The following CLVS2 variants were observed in gnomAD, a reference collection of about 807,000 sequenced individuals.
The protein encoded by CLVS2 is clavesin 2.
Under a neutral mutation model 29.0 loss-of-function variants are expected in CLVS2, and 19 were observed. That is an observed-to-expected ratio of 0.66 (90% CI 0.46 to 0.96). The LOEUF (loss-of-function observed/expected upper bound fraction) is 0.96, where lower values mean the gene tolerates loss of function less well. Ranked by LOEUF, CLVS2 falls within the 40% of genes least tolerant of loss-of-function variation. The probability of loss-of-function intolerance (pLI) is 0.00; values close to 1 mark genes in which losing one functional copy is unlikely to be tolerated. For synonymous variants in CLVS2, 161 were observed against 151.3 expected (o/e 1.06, Z -0.47); for missense variants, 294 against 404.1 (o/e 0.73, Z 2.34).
At chr6:123,062,126 T>C (rs1295279164) in intron 5 of CLVS2, among the ~76,000 whole-genome samples, 3 of 152,132 alleles carry the variant, frequency 2.0e-5, no homozygotes, top group African/African-American at 7.2e-5. Flanking sequence ...TGCATATCAG[T>C]TGTCAGGTTA....
intron 3 of CLVS2, among the ~76,000 whole-genome samples, 185 bp downstream of exon 3, chr6:123,011,344 G>C (rs1363471964): frequency 6.6e-6 from 1 of 152,030 alleles, no homozygotes; most frequent in African/African-American, 2.4e-5. Flanking sequence ...AAGGAAGAGA[G>C]TTTGTGACAC....
chr6:123,014,368 A>T lies in CLVS2; in HGVS notation c.564+3209A>T, dbSNP rs538237816. On this transcript the variant is annotated intron_variant, in intron 3 of 5. Transcript: ENST00000275162. The stretch of plus-strand genomic sequence containing the variant: ...TTCTTAAGCAAGAGTATTTAAAGTG[A>T]CCTGGCTAGCACCATATACCTTGTA... 1.7e-3 allele frequency among the ~76,000 whole-genome samples: 254 copies of T among 152,088 alleles called. 1 individual carries two copies. The highest frequency in any genetic ancestry group is 2.6e-3 in the Non-Finnish European group (180 of 68,016).
intron 4 of CLVS2, among the ~76,000 whole-genome samples, chr6:123,051,723 G>A (rs1357407139): frequency 6.6e-6 from 1 of 152,006 alleles, no homozygotes; most frequent in Non-Finnish European, 1.5e-5. Context: ...CTCTTTAATA[G>A]CACAGTGTAG....
intron 5 of CLVS2, among the ~76,000 whole-genome samples, chr6:123,057,415 T>TGATTCACTG (rs1772709967): frequency 1.4e-5 from 2 of 140,528 alleles, no homozygotes; most frequent in Non-Finnish European, 3.0e-5. Flanking sequence ...GGCGCGATCA[T>TGATTCACTG]GATTCACTGC....
intron 3 of CLVS2, among the ~76,000 whole-genome samples, chr6:123,025,098 G>A (rs908508808): frequency 1.3e-5 from 2 of 152,048 alleles, no homozygotes; most frequent in South Asian, 2.1e-4. Flanking sequence ...TACTTCATCC[G>A]TTGTTTTCAA....
chr6:123,031,827 T>C (rs563103151), intron 3 of CLVS2, among the ~76,000 whole-genome samples: 2 of 152,102 alleles, frequency 1.3e-5, no homozygotes, highest in South Asian at 4.2e-4. Context: ...AGCCTCATTA[T>C]GAGGGACTTG....
chr6:123,034,476 A>T (rs1775123014), intron 3 of CLVS2, among the ~76,000 whole-genome samples: 1 of 152,190 alleles, frequency 6.6e-6, no homozygotes, highest in South Asian at 2.1e-4. Flanking sequence ...AAAAGGCAGC[A>T]TACTGTATCA....
intron 4 of CLVS2, among the ~76,000 whole-genome samples, chr6:123,053,970 G>T (rs1772652085): frequency 6.6e-6 from 1 of 152,162 alleles, no homozygotes; most frequent in Non-Finnish European, 1.5e-5. Flanking sequence ...TGGTGGGTGG[G>T]TTGATGTCAT....
chr6:123,035,467 TG>T (rs1275213819), intron 3 of CLVS2, among the ~76,000 whole-genome samples: 1 of 152,164 alleles, frequency 6.6e-6, no homozygotes, highest in Non-Finnish European at 1.5e-5. Flanking sequence ...ATGAAGATGT[TG>T]GGTAAAAAGT....
At position 123,065,616 on chromosome 6, in the gene CLVS2, TTC is replaced by T. The variant is rs778119606; in HGVS notation, c.*1857_*1858del. 2.0e-5 allele frequency: 3 copies of T among 151,922 alleles called. No individual in the cohort carries two copies. Among genetic ancestry groups the T allele is most frequent in the Non-Finnish European group, 4.4e-5 (3 of 67,848 alleles). The allele number at this position is 151,922 out of a possible 1,614,324, so 9.4% of individuals were successfully genotyped here. On this transcript the variant is annotated 3_prime_UTR_variant, in exon 6 of 6. Transcript: ENST00000275162. The stretch of plus-strand genomic sequence containing the variant: ...CACTGGGGACAACATGTCTCAGCAG[TTC>T]TTACCTTTATAAGAATTCTAACCAT...
At chr6:123,043,890 T>A (rs1169430634) in intron 3 of CLVS2, among the ~76,000 whole-genome samples, 2 of 152,244 alleles carry the variant, frequency 1.3e-5, no homozygotes, top group Non-Finnish European at 2.9e-5. Context: ...TTACTTTTTC[T>A]TTCTGAATAG....
intron 3 of CLVS2, among the ~76,000 whole-genome samples, chr6:123,024,671 T>C (rs1279828166): frequency 6.6e-6 from 1 of 152,146 alleles, no homozygotes; most frequent in Non-Finnish European, 1.5e-5. Context: ...AAAAGGACTA[T>C]GAGAAAGATA....
chr6:123,010,488 C>T (rs1774732589), intron 2 of CLVS2, among the ~76,000 whole-genome samples: 1 of 152,086 alleles, frequency 6.6e-6, no homozygotes, highest in South Asian at 2.1e-4. Context: ...ATCCCTACCA[C>T]CTTTCCTTTT....
chr6:123,038,735 A>C (rs1438140165), intron 3 of CLVS2, among the ~76,000 whole-genome samples: 4 of 152,214 alleles, frequency 2.6e-5, no homozygotes, highest in Non-Finnish European at 5.9e-5. Flanking sequence ...ATTCTTTGAA[A>C]ATGCCGCTTA....
At chr6:123,044,347 C>A (rs1037259809) in intron 3 of CLVS2, among the ~76,000 whole-genome samples, 1 of 152,130 alleles carries the variant, frequency 6.6e-6, no homozygotes, top group Non-Finnish European at 1.5e-5. Flanking sequence ...AAACCAAAAG[C>A]GCTTTAGATA....
At chr6:123,041,025 C>T (rs1297403561) in intron 3 of CLVS2, among the ~76,000 whole-genome samples, 5 of 152,086 alleles carry the variant, frequency 3.3e-5, no homozygotes, top group Admixed American at 6.5e-5. Flanking sequence ...ACAAGTGGAA[C>T]TCATGCCATT....
intron 4 of CLVS2, among the ~76,000 whole-genome samples, chr6:123,054,151 C>G (rs1041519578): frequency 3.9e-5 from 6 of 152,132 alleles, no homozygotes; most frequent in African/African-American, 1.4e-4. Context: ...AAGAAGATTT[C>G]TTATGTGAAT....
chr6:123,023,925 G>C (rs906598061), intron 3 of CLVS2, among the ~76,000 whole-genome samples: 1 of 152,058 alleles, frequency 6.6e-6, no homozygotes, highest in African/African-American at 2.4e-5. Flanking sequence ...AAAGAAATTG[G>C]CATGGTACCC....
intron 5 of CLVS2, among the ~76,000 whole-genome samples, chr6:123,060,946 A>G (rs1393831197): frequency 6.6e-6 from 1 of 152,244 alleles, no homozygotes; most frequent in Non-Finnish European, 1.5e-5. Context: ...AATCTAAATT[A>G]CTAGTTTTCA....
Sources: allele counts gnomAD v4.1 joint callset (sites outside exome capture counted in the v4.1 genomes callset), GRCh38; gene constraint gnomAD v4.1.1; transcripts MANE v1.5; gene names NCBI Gene and HGNC (gene_info 2026-07-23, HGNC 2026-07-21).